The following CPAMD8 variants were observed in gnomAD, a reference collection of about 807,000 sequenced individuals.
CPAMD8 encodes C3 and PZP like alpha-2-macroglobulin domain containing 8.
A neutral mutation model predicts 224.7 loss-of-function variants in CPAMD8; 146 were observed. The ratio of observed to expected loss-of-function variants is 0.65; its 90% confidence interval spans 0.57 to 0.75. CPAMD8 has a LOEUF of 0.75. CPAMD8 is among the 30% of genes least tolerant of loss of function. CPAMD8 has a pLI of 0.00. For missense variants in CPAMD8, 2,301 were observed against 2,537.5 expected, an observed-to-expected ratio of 0.91 and a Z score of 2.00; for synonymous variants, 966 against 1,044.6, an observed-to-expected ratio of 0.92 and a Z score of 1.45.
chr19:16,977,469 T>C lies in CPAMD8; in HGVS notation c.1657A>G (p.Met553Val). The C allele has an allele frequency of 1.3e-5, 21 of 1,611,794 alleles. No homozygotes were observed. Among genetic ancestry groups the C allele is most frequent in the Non-Finnish European group, 1.8e-5 (21 of 1,178,668 alleles). ...TSLHLAVTPS[M>V]VPLGRLLVFY... ...ACCAGCAGGCGACCAAGGGGGACCA[T>C]GCTGGGGGTCACGGCCAGATGAAGA... Residue 553 changes from methionine (M) to valine (V), a missense_variant, in exon 15 of 42, where the codon ATG becomes GTG. Transcript: ENST00000443236.
At chr19:16,945,348 C>T (rs896624976) in intron 22 of CPAMD8, among the ~76,000 whole-genome samples, 6 of 152,180 alleles carry the variant, frequency 3.9e-5, no homozygotes, top group East Asian at 1.9e-4. Flanking sequence ...GCCCACTCTG[C>T]GCTTTAGGGA....
intron 3 of CPAMD8, among the ~76,000 whole-genome samples, chr19:17,016,122 C>T (rs2056805922): frequency 6.6e-6 from 1 of 152,072 alleles, no homozygotes; most frequent in Admixed American, 6.6e-5. Context: ...TTTTTATTTT[C>T]AGTTTGTAGA....
Position 16,914,714 on chromosome 19 carries a change from C to G in CPAMD8, c.3729G>C (p.Gln1243His). Residue 1243 changes from glutamine (Q) to histidine (H), a missense_variant, in exon 28 of 42, where the codon CAG (glutamine) becomes CAC (histidine). Around this residue, in one of 4 missense-constraint regions of CPAMD8, gnomAD observed 1,709 missense variants for 1,753.2 expected, o/e 0.97. Coordinates refer to ENST00000443236, the MANE Select transcript of CPAMD8 (RefSeq NM_015692.5). ...CCAGGAAGGAGCCATCGGCCTGCTG[C>G]TGCTGGATGATCCAGCTCTTGGCGG... The part of the protein sequence containing the change: ...LAAAKSWIIQ[Q>H]QQADGSFLAV... 4 of 1,614,170 alleles carry G rather than the reference C, an allele frequency of 2.5e-6. No individual in the cohort carries two copies. The highest frequency in any genetic ancestry group is 2.5e-6 in the Non-Finnish European group (3 of 1,180,008).
At chr19:16,897,579 A>T (rs1454121453) in intron 39 of CPAMD8, 112 bp downstream of exon 39, 3 of 612,966 alleles carry the variant, frequency 4.9e-6, no homozygotes, top group Non-Finnish European at 8.5e-6. Flanking sequence ...TCCTGACTTT[A>T]CGTTGGCCCC....
intron 25 of CPAMD8, among the ~76,000 whole-genome samples, chr19:16,926,294 T>C (rs2053356461): frequency 6.6e-6 from 1 of 151,594 alleles, no homozygotes; most frequent in African/African-American, 2.4e-5. Flanking sequence ...TGAACACACC[T>C]TCTTTCCTTC....
intron 7 of CPAMD8, among the ~76,000 whole-genome samples, chr19:17,007,770 C>T (rs1457645332): frequency 6.6e-6 from 1 of 152,188 alleles, no homozygotes; most frequent in Non-Finnish European, 1.5e-5. Flanking sequence ...TCTTCCTAGT[C>T]ATAGGAAAAG....
chr19:16,935,671 C>T (rs1218109669), intron 23 of CPAMD8, among the ~76,000 whole-genome samples: 1 of 152,098 alleles, frequency 6.6e-6, no homozygotes, highest in African/African-American at 2.4e-5. Flanking sequence ...GGGCTGTTTC[C>T]AGTTTGGGGC....
At chr19:16,938,065 G>A (rs780219208) in intron 23 of CPAMD8, among the ~76,000 whole-genome samples, 5 of 152,224 alleles carry the variant, frequency 3.3e-5, no homozygotes, top group African/African-American at 7.2e-5. Flanking sequence ...GGGATTACAG[G>A]TGTGAGCCAC....
intron 13 of CPAMD8, among the ~76,000 whole-genome samples, chr19:16,988,577 T>C (rs1326980825): frequency 6.6e-6 from 1 of 151,150 alleles, no homozygotes; most frequent in Non-Finnish European, 1.5e-5. Context: ...GCCACTGCAC[T>C]CCAGCCTGGC....
rs1244883016 is a variant in CPAMD8, at chr19:16,962,222, G to A, written c.2214-4307C>T. Among the ~76,000 whole-genome samples, 3 of 152,154 alleles carry A rather than the reference G, an allele frequency of 2.0e-5. No homozygotes were observed. In the East Asian group the frequency reaches 5.8e-4, roughly 29 times the overall value. Reference sequence around the variant, plus strand: ...AATTGACAGAAGTAGGCTTCAGAAGGTTGGTAATAACAAACTTCTCTGAGC... The same window carrying A: ...AATTGACAGAAGTAGGCTTCAGAAGATTGGTAATAACAAACTTCTCTGAGC... On this transcript the variant is annotated intron_variant, in intron 18 of 41. Transcript: ENST00000443236.
Position 16,978,986 on chromosome 19 carries a change from A to T in CPAMD8, c.1586-1446T>A, listed in dbSNP as rs149990327. Among the ~76,000 whole-genome samples the T allele has an allele frequency of 6.4e-3, 959 of 149,566 alleles. 4 individuals are homozygous for T. The highest frequency in any genetic ancestry group is 0.023 in the African/African-American group (911 of 40,222). ...CCACCCACCCATCCACCATCCAATC[A>T]TCTATCCATCTGTTCATCCATCCAT... On this transcript the variant is annotated intron_variant, in intron 14 of 41. Coordinates refer to ENST00000443236, the MANE Select transcript of CPAMD8 (RefSeq NM_015692.5).
At chr19:17,005,816 G>A (rs986533238) in intron 7 of CPAMD8, among the ~76,000 whole-genome samples, 7 of 152,106 alleles carry the variant, frequency 4.6e-5, no homozygotes, top group African/African-American at 1.7e-4. Flanking sequence ...CAGGCAAAGT[G>A]GGCCTTTGAT....
At position 17,011,585 on chromosome 19, in the gene CPAMD8, C is replaced by A. The variant is rs2056652036; in HGVS notation, c.433+7G>T. 3 of 1,614,080 alleles carry A rather than the reference C, an allele frequency of 1.9e-6. No individual in the cohort carries two copies. Among genetic ancestry groups the A allele is most frequent in the Non-Finnish European group, 2.5e-6 (3 of 1,180,054 alleles). Reference sequence around the variant, plus strand: ...CGGCCCTCCCTGCATCCATGCTGGCCACTCACCTCGGTGCTGGGGTCTGTA... The same window carrying A: ...CGGCCCTCCCTGCATCCATGCTGGCAACTCACCTCGGTGCTGGGGTCTGTA... On this transcript the variant is annotated splice_region_variant and intron_variant, in intron 4 of 41. Transcript: ENST00000443236.
intron 23 of CPAMD8, among the ~76,000 whole-genome samples, chr19:16,934,100 T>C (rs2053619713): frequency 6.6e-6 from 1 of 152,194 alleles, no homozygotes; most frequent in Admixed American, 6.5e-5. Flanking sequence ...CATGATTCCA[T>C]TTATATAACA....
At position 17,026,794 on chromosome 19, in the gene CPAMD8, C is replaced by A. The variant is rs1164533425; in HGVS notation, c.-152G>T. 1.8e-6 allele frequency: 2 copies of A among 1,091,626 alleles called. No individual in the cohort carries two copies. The highest frequency in any genetic ancestry group is 4.3e-5 in the South Asian group (1 of 23,332). The allele number at this position is 1,091,626 out of a possible 1,614,324, so 67.6% of individuals were successfully genotyped here. On this transcript the variant is annotated 5_prime_UTR_variant, in exon 1 of 42. Transcript: ENST00000443236. Reference sequence around the variant, plus strand: ...TGCGCCCGGCGCCATGCGCCCCGCTCCGCGCCCGGCCAAGCTGGGGCAGCC... The same window carrying A: ...TGCGCCCGGCGCCATGCGCCCCGCTACGCGCCCGGCCAAGCTGGGGCAGCC...
intron 1 of CPAMD8, 121 bp downstream of exon 1, chr19:17,026,430 A>G (rs981900088): frequency 2.0e-4 from 220 of 1,114,988 alleles, no homozygotes; most frequent in Admixed American, 6.0e-4. Context: ...ACAAGAGGCC[A>G]GGTCCAGCCC....
At chr19:17,010,601 G>A (rs1386749683) in intron 5 of CPAMD8, among the ~76,000 whole-genome samples, 2 of 152,072 alleles carry the variant, frequency 1.3e-5, no homozygotes, top group Admixed American at 6.6e-5. Context: ...TGCTCTTAAA[G>A]GATACAGGCC....
intron 20 of CPAMD8, among the ~76,000 whole-genome samples, chr19:16,951,348 T>G (rs927567043): frequency 6.6e-6 from 1 of 152,162 alleles, no homozygotes; most frequent in African/African-American, 2.4e-5. Flanking sequence ...TTCATCTTTT[T>G]CAAATGGTTA....
intron 14 of CPAMD8, 92 bp from the exon 15 acceptor site, chr19:16,977,632 C>T (rs1414397435): frequency 6.4e-6 from 6 of 938,708 alleles, no homozygotes; most frequent in Non-Finnish European, 7.8e-6. Flanking sequence ...TTGCCCTGCG[C>T]TATGCTCCTG....
Sources: gnomAD v4.1 joint callset for allele counts (sites outside exome capture counted in the v4.1 genomes callset) on GRCh38, gnomAD v4.1.1 for gene constraint, gnomAD v4.1.1 regional missense constraint, MANE v1.5 for transcripts, NCBI Gene and HGNC (gene_info 2026-07-23, HGNC 2026-07-21) for gene names.